The following PLXNB2 variants were observed in gnomAD, a reference collection of about 807,000 sequenced individuals.
PLXNB2 encodes plexin-B2.
A neutral mutation model predicts 202.6 loss-of-function variants in PLXNB2; 85 were observed. The ratio of observed to expected loss-of-function variants is 0.42; its 90% CI spans 0.35 to 0.50. The LOEUF is 0.50. Ranked by LOEUF, PLXNB2 falls within the 20% of genes least tolerant of loss-of-function variation. The probability of loss-of-function intolerance (pLI) is 0.02; values close to 1 mark genes in which losing one functional copy is unlikely to be tolerated. For synonymous variants in PLXNB2, 1,239 were observed against 1,137.6 expected (o/e 1.09, Z -1.79); for missense variants, 2,063 against 2,586.2 (o/e 0.80, Z 4.39).
chr22:50,292,324 C>A (rs373152573), intron 2 of PLXNB2, among the ~76,000 whole-genome samples: 51 of 121,832 alleles, frequency 4.2e-4, no homozygotes, highest in African/African-American at 1.4e-3. Flanking sequence ...GGTGACAGAG[C>A]GAGACTCTGT....
Position 50,284,062 on chromosome 22 carries a change from C to A in PLXNB2, c.2263+70G>T. 1 of 1,531,226 alleles carries A rather than the reference C, an allele frequency of 6.5e-7. No homozygotes were observed. The highest frequency in any genetic ancestry group is 8.8e-7 in the Non-Finnish European group (1 of 1,141,594). The allele number at this position is 1,531,226 out of a possible 1,614,324, so 94.9% of individuals were successfully genotyped here. On this transcript the variant is annotated intron_variant, in intron 13 of 36. Transcript: ENST00000359337. The surrounding 1 kb of genome is among the most constrained non-coding windows in gnomAD (Gnocchi z 8.0). ...CCGACCTGCTCCCCACTGCGCCCACCTGTCCCCCCACCCACCGCCTTGTGC... is the reference window on the plus strand; with the variant it reads ...CCGACCTGCTCCCCACTGCGCCCACATGTCCCCCCACCCACCGCCTTGTGC...
chr22:50,292,729 G>A (rs2066968414), intron 2 of PLXNB2, among the ~76,000 whole-genome samples: 1 of 152,090 alleles, frequency 6.6e-6, no homozygotes, highest in South Asian at 2.1e-4. Context: ...CCCTCCACCT[G>A]CCCGTGGCAA....
chr22:50,283,097 G>A lies in PLXNB2; in HGVS notation c.2769C>T (p.Gly923=). Residue 923 remains glycine (G), a synonymous_variant, in exon 17 of 37, where the codon GGC becomes GGT. Coordinates refer to ENST00000359337, the MANE Select transcript of PLXNB2 (RefSeq NM_012401.4). ...GGGTCACCCGCACGTCCTCCTGGGA[G>A]CCCGTGTCCAGGTGGGTGCCGTGGA... The part of the protein sequence containing the change: ...LTIHGTHLDT[G]SQEDVRVTLN... 1 of 1,607,210 alleles carries A rather than the reference G, an allele frequency of 6.2e-7. No homozygotes were observed. The highest frequency in any genetic ancestry group is 8.5e-7 in the Non-Finnish European group (1 of 1,177,592).
Position 50,281,789 on chromosome 22 carries a change from A to G in PLXNB2, c.3346-47T>C, listed in dbSNP as rs78136111. On this transcript the variant is annotated intron_variant, in intron 20 of 36. Coordinates refer to ENST00000359337, the MANE Select transcript of PLXNB2 (RefSeq NM_012401.4). The stretch of plus-strand genomic sequence containing the variant: ...GGGTGAGGAGGAGGGAACCAGGGAC[A>G]GGTGGACCAGCTCTCAGCCCAGACC... 5 of 1,571,044 alleles carry G rather than the reference A, an allele frequency of 3.2e-6. No individual in the cohort carries two copies. The East Asian group carries it at 6.8e-5, about 21-fold the overall frequency.
chr22:50,278,106 T>TG lies in PLXNB2; in HGVS notation c.4887+10dup, dbSNP rs1569156902. 1 of 1,602,328 alleles carries TG rather than the reference T, an allele frequency of 6.2e-7. No individual in the cohort carries two copies. The highest frequency in any genetic ancestry group is 1.1e-5 in the South Asian group (1 of 90,906). On this transcript the variant is annotated intron_variant, in intron 31 of 36. Transcript: ENST00000359337. The stretch of plus-strand genomic sequence containing the variant: ...CGGCCTGGTGCCGCCCACACACCCA[T>TG]GGGGGCCCACCTTGACTGAGAGCAG...
chr22:50,289,270 AC>A lies in PLXNB2; in HGVS notation c.1069-129del. On this transcript the variant is annotated intron_variant, in intron 3 of 36. Coordinates refer to ENST00000359337, the MANE Select transcript of PLXNB2 (RefSeq NM_012401.4). This position sits in a 1 kb window ranked among gnomAD's most constrained non-coding sequence, Gnocchi z 8.0. The stretch of plus-strand genomic sequence containing the variant: ...ACACGTCCTACACACGTCCCCGAGA[AC>A]AGAACCCACATGGCAGGGAGCCCCA... The A allele has an allele frequency of 1.0e-6, 1 of 970,990 alleles. No individual in the cohort carries two copies. The highest frequency in any genetic ancestry group is 1.7e-5 in the South Asian group (1 of 57,926). The allele number at this position is 970,990 out of a possible 1,614,324, so 60.1% of individuals were successfully genotyped here.
Position 50,290,615 on chromosome 22 carries a change from G to C in PLXNB2, c.-13-18C>G. On this transcript the variant is annotated intron_variant, in intron 2 of 36. Coordinates refer to ENST00000359337, the MANE Select transcript of PLXNB2 (RefSeq NM_012401.4). The stretch of plus-strand genomic sequence containing the variant: ...CCCGCACCCTGTGGGAAGAGAGAAG[G>C]GTCAGGGGAGCCCCGACCCAGAGGA... 1 of 1,551,924 alleles carries C rather than the reference G, an allele frequency of 6.4e-7. No individual in the cohort carries two copies. The highest frequency in any genetic ancestry group is 1.2e-5 in the South Asian group (1 of 85,810).
intron 8 of PLXNB2, 67 bp from the exon 9 acceptor site, chr22:50,286,354 C>T: frequency 8.6e-7 from 1 of 1,168,892 alleles, no homozygotes; most frequent in South Asian, 1.2e-5. Flanking sequence ...CTGGGCCTCC[C>T]CTGGGGCTGA....
chr22:50,287,557 G>C (rs1003585520), intron 7 of PLXNB2, 110 bp downstream of exon 7: 18 of 1,121,686 alleles, frequency 1.6e-5, no homozygotes, highest in East Asian at 1.3e-4. Context: ...GAGCCCAGGC[G>C]GGGGAGATGT....
rs1282785787 is a variant in PLXNB2 at position 50,291,524 on chromosome 22, A to C, written c.-13-927T>G. 6.6e-6 allele frequency among the ~76,000 whole-genome samples: 1 copy of C among 152,024 alleles called. No homozygotes were observed. The highest frequency in any genetic ancestry group is 1.5e-5 in the Non-Finnish European group (1 of 67,970). On this transcript the variant is annotated intron_variant, in intron 2 of 36. Transcript: ENST00000359337. This position sits in a 1 kb window ranked among gnomAD's most constrained non-coding sequence, Gnocchi z 4.3. ...GACCAGGCTGAGCTGAGGGTCTCCCAATAGGAGGAAGATCCAAGGCCCCAC... is the reference window on the plus strand; with the variant it reads ...GACCAGGCTGAGCTGAGGGTCTCCCCATAGGAGGAAGATCCAAGGCCCCAC...
chr22:50,287,906 G>A, intron 6 of PLXNB2, 31 bp downstream of exon 6: 1 of 1,580,612 alleles, frequency 6.3e-7, no homozygotes, highest in Non-Finnish European at 8.6e-7. Flanking sequence ...CCAGAGGCAG[G>A]CCGTGTCCCC....
chr22:50,295,926 AC>A (rs1489480008), intron 1 of PLXNB2, among the ~76,000 whole-genome samples: 3 of 151,882 alleles, frequency 2.0e-5, no homozygotes, highest in African/African-American at 4.8e-5. Flanking sequence ...ACATGGTGAA[AC>A]CCCATCTCTA....
At chr22:50,299,352 C>T (rs981152011) in intron 1 of PLXNB2, among the ~76,000 whole-genome samples, 15 of 151,330 alleles carry the variant, frequency 9.9e-5, no homozygotes, top group Non-Finnish European at 2.1e-4. Flanking sequence ...ACCAAGTGAG[C>T]GATAGGCTGC....
At chr22:50,305,876 G>T (rs1004221810) in intron 1 of PLXNB2, among the ~76,000 whole-genome samples, 4 of 149,390 alleles carry the variant, frequency 2.7e-5, no homozygotes, top group African/African-American at 1.0e-4. Flanking sequence ...AGAGGGGCTT[G>T]GGCCCACTGC....
chr22:50,289,799 C>T lies in PLXNB2; in HGVS notation c.786G>A (p.Met262Ile), dbSNP rs1324027168. 1.9e-6 allele frequency: 3 copies of T among 1,613,060 alleles called. No homozygotes were observed. The highest frequency in any genetic ancestry group is 2.5e-6 in the Non-Finnish European group (3 of 1,180,036). The change falls in exon 3 of 37, where the codon ATG (methionine) becomes ATA (isoleucine). Residue 262 changes from methionine to isoleucine, a missense_variant. Physicochemically the swap from Met to Ile is conservative, Grantham distance 10. Transcript: ENST00000359337. The surrounding 1 kb of genome is among the most constrained non-coding windows in gnomAD (Gnocchi z 8.0). ...TGTCGGGGTCCCGGCACTGCAGGTC[C>T]ATCTCCAGGTAGGAGTAGTAGTTGG... is the stretch of plus-strand genomic sequence containing the variant. Reference protein sequence around the residue: ...EDPNYYSYLEMDLQCRDPDIH... With the variant: ...EDPNYYSYLEIDLQCRDPDIH...
At chr22:50,286,119 G>A (rs753572648) in intron 9 of PLXNB2, 21 bp from the exon 10 acceptor site, 1 of 1,611,458 alleles carries the variant, frequency 6.2e-7, no homozygotes, top group Non-Finnish European at 8.5e-7. Context: ...AGGGGATCGT[G>A]AGCAGGGCTG....
At chr22:50,290,676 A>G in intron 2 of PLXNB2, 79 bp from the exon 3 acceptor site, 1 of 1,393,074 alleles carries the variant, frequency 7.2e-7, no homozygotes, top group Non-Finnish European at 9.5e-7. Flanking sequence ...CCTGCCCCAA[A>G]CGTCAGAACA....
rs2066522760 is a variant in PLXNB2 at position 50,287,235 on chromosome 22, G to A, written c.1638C>T (p.Ala546=). 1 of 1,541,866 alleles carries A rather than the reference G, an allele frequency of 6.5e-7. No individual in the cohort carries two copies. Among genetic ancestry groups the A allele is most frequent in the Non-Finnish European group, 8.8e-7 (1 of 1,141,554 alleles). ...EVQLTVSPLP[A]LSEEDELLCL... ...ACAGCAACTCGTCCTCCTCGCTCAGGGCAGGGAGGGGGCTGACGGTCAGCT... is the reference window on the plus strand; with the variant it reads ...ACAGCAACTCGTCCTCCTCGCTCAGAGCAGGGAGGGGGCTGACGGTCAGCT... The change falls in exon 8 of 37, where the codon GCC becomes GCT. Residue 546 remains alanine (A), a synonymous_variant. Coordinates refer to ENST00000359337, the MANE Select transcript of PLXNB2 (RefSeq NM_012401.4).
chr22:50,280,714 G>GCCCCC, intron 24 of PLXNB2, 30 bp downstream of exon 24: 2 of 1,528,946 alleles, frequency 1.3e-6, no homozygotes, highest in Admixed American at 1.9e-5. Flanking sequence ...CCACCTGTGT[G>GCCCCC]CCCTCCCGCC....
Sources: allele counts gnomAD v4.1 joint callset (sites outside exome capture counted in the v4.1 genomes callset), GRCh38; gene constraint gnomAD v4.1.1; non-coding constraint Gnocchi (gnomAD v3.1); transcripts MANE v1.5; gene names NCBI Gene and HGNC (gene_info 2026-07-23, HGNC 2026-07-21).